Variants in DGKB observed in about 807,000 individuals in gnomAD.
DGKB encodes the protein 90 kDa diacylglycerol kinase.
A neutral mutation model predicts 114.3 loss-of-function variants in DGKB; 67 were observed. The observed-to-expected ratio is 0.59, with a 90% CI of 0.48 to 0.72. The LOEUF (loss-of-function observed/expected upper bound fraction) is 0.72, where lower values mean the gene tolerates loss of function less well. Among genes scored for constraint, DGKB ranks in the 30% least tolerant of loss-of-function variants. The pLI is 0.00. For synonymous variants in DGKB, 398 were observed against 323.1 expected (o/e 1.23, Z -2.49); for missense variants, 907 against 975.2 (o/e 0.93, Z 0.93).
intron 23 of DGKB, among the ~76,000 whole-genome samples, chr7:14,182,452 C>T (rs959003435): frequency 6.6e-6 from 1 of 151,804 alleles, no homozygotes; most frequent in Non-Finnish European, 1.5e-5. Flanking sequence ...CCTTTTTTAG[C>T]CTACGTATTT....
At chr7:14,338,833 C>T in intron 22 of DGKB, 123 bp from the exon 23 acceptor site, 1 of 574,130 alleles carries the variant, frequency 1.7e-6, no homozygotes, top group Non-Finnish European at 2.7e-6. Flanking sequence ...CATTTCCAAA[C>T]AAGCCTTTCA....
chr7:14,942,585 T>C (rs1372288730), intron 1 of DGKB, among the ~76,000 whole-genome samples: 1 of 152,014 alleles, frequency 6.6e-6, no homozygotes, highest in African/African-American at 2.4e-5. Context: ...GCTGTGATTT[T>C]GCACCTGGTA....
intron 23 of DGKB, among the ~76,000 whole-genome samples, chr7:14,293,315 C>G (rs117710035): frequency 6.6e-6 from 1 of 152,014 alleles, no homozygotes; most frequent in Non-Finnish European, 1.5e-5. Flanking sequence ...ATCCCAGTGC[C>G]CAGCTTCTAT....
At chr7:14,836,740 G>A (rs189771386) in intron 2 of DGKB, among the ~76,000 whole-genome samples, 225 of 152,306 alleles carry the variant, frequency 1.5e-3, no homozygotes, top group African/African-American at 5.2e-3. Flanking sequence ...ACCCTAAACC[G>A]GAGCACGGTC....
intron 23 of DGKB, among the ~76,000 whole-genome samples, chr7:14,305,413 G>T (rs532896381): frequency 6.6e-6 from 1 of 152,052 alleles, no homozygotes; most frequent in South Asian, 2.1e-4. Flanking sequence ...CTTCATTTTT[G>T]ATAATATTAA....
chr7:14,559,859 T>G (rs986435523), intron 20 of DGKB, among the ~76,000 whole-genome samples: 2 of 152,100 alleles, frequency 1.3e-5, no homozygotes, highest in African/African-American at 4.8e-5. Context: ...ATTATTTCTT[T>G]TTTCTTTTCT....
chr7:14,707,117 A>G (rs1266968605), intron 6 of DGKB, among the ~76,000 whole-genome samples: 1 of 136,924 alleles, frequency 7.3e-6, no homozygotes, highest in African/African-American at 2.8e-5. Flanking sequence ...AGACGCAATA[A>G]AAAATGATAA....
chr7:14,710,252 C>G (rs2128332276), intron 6 of DGKB, among the ~76,000 whole-genome samples: 1 of 151,834 alleles, frequency 6.6e-6, no homozygotes, highest in Admixed American at 6.6e-5. Context: ...GATTTATTTC[C>G]AGGTATTTAA....
chr7:14,489,864 C>T (rs758446698), intron 20 of DGKB, among the ~76,000 whole-genome samples: 4 of 151,948 alleles, frequency 2.6e-5, no homozygotes, highest in African/African-American at 4.8e-5. Flanking sequence ...ATCTCAAAGG[C>T]GCGGGAGGAT....
chr7:14,568,562 G>A (rs1407265445), intron 20 of DGKB, among the ~76,000 whole-genome samples: 2 of 152,170 alleles, frequency 1.3e-5, no homozygotes, highest in South Asian at 2.1e-4. Flanking sequence ...AAGATGGAAG[G>A]AGCCTGGGTC....
At chr7:14,402,883 T>C (rs1823356650) in intron 21 of DGKB, among the ~76,000 whole-genome samples, 1 of 151,948 alleles carries the variant, frequency 6.6e-6, no homozygotes, top group African/African-American at 2.4e-5. Flanking sequence ...GACTGTAACC[T>C]GAAAATTCTG....
intron 2 of DGKB, among the ~76,000 whole-genome samples, chr7:14,798,783 T>A (rs577209377): frequency 1.2e-3 from 178 of 152,330 alleles, no homozygotes; most frequent in Admixed American, 2.5e-3. Flanking sequence ...ACCCATCCTG[T>A]GGTTATTTCC....
intron 1 of DGKB, among the ~76,000 whole-genome samples, chr7:14,920,219 T>A (rs1483667237): frequency 6.6e-6 from 1 of 152,142 alleles, no homozygotes; most frequent in African/African-American, 2.4e-5. Context: ...TAAAAAGATA[T>A]GCTACAGCCT....
chr7:14,821,523 T>G lies in DGKB; in HGVS notation c.70+19671A>C, dbSNP rs554927995. 1.1e-4 allele frequency among the ~76,000 whole-genome samples: 16 copies of G among 152,154 alleles called. No homozygotes were observed. In the South Asian group the frequency reaches 3.3e-3, roughly 32 times the overall value. ...GAAAACTGAAAGGTGAAAAGGAAGC[T>G]TGGGAAAAATAAAAATAAAAATATA... On this transcript the variant is annotated intron_variant, in intron 2 of 25. Transcript: ENST00000402815.
intron 4 of DGKB, among the ~76,000 whole-genome samples, chr7:14,753,184 A>G (rs1834362480): frequency 6.6e-6 from 1 of 152,216 alleles, no homozygotes; most frequent in African/African-American, 2.4e-5. Flanking sequence ...AATAAGAAGA[A>G]GCTAGTACAT....
chr7:14,570,611 A>G (rs372063347), intron 20 of DGKB, among the ~76,000 whole-genome samples: 44 of 152,282 alleles, frequency 2.9e-4, no homozygotes, highest in African/African-American at 9.9e-4. Context: ...AGAAAAGAAA[A>G]TGTTAAGAAA....
rs532276356 is a variant in DGKB, at chr7:14,874,947, C to G, written c.-188+27645G>C. Among the ~76,000 whole-genome samples, 26 of 151,942 alleles carry G rather than the reference C, an allele frequency of 1.7e-4. No homozygotes were observed. In the South Asian group the frequency reaches 5.0e-3, roughly 29 times the overall value. ...ACTCTTTTTTATTTTGCTAGCGTAA[C>G]GGGGAAGTAAAAAAGAATTAAACAG... On this transcript the variant is annotated intron_variant, in intron 1 of 25. Coordinates refer to ENST00000402815, the MANE Select transcript of DGKB (RefSeq NM_001350709.2).
intron 21 of DGKB, among the ~76,000 whole-genome samples, chr7:14,397,516 G>A (rs773681109): frequency 3.3e-5 from 5 of 151,954 alleles, no homozygotes; most frequent in Admixed American, 6.6e-5. Context: ...TGAGAGTCTA[G>A]AACTGCTGTG....
rs1215433714 is a variant in DGKB, at chr7:14,148,955, T to G, written c.*176A>C. On this transcript the variant is annotated 3_prime_UTR_variant, in exon 26 of 26. Coordinates refer to ENST00000402815, the MANE Select transcript of DGKB (RefSeq NM_001350709.2). ...TTCATGCAAAGATGCCTATAAAAAC[T>G]GAGACAATAAATTTTCTAATAGCTG... The G allele has an allele frequency of 1.8e-5, 11 of 615,860 alleles. No homozygotes were observed. Among genetic ancestry groups the G allele is most frequent in the Non-Finnish European group, 2.6e-5 (9 of 352,642 alleles). 38.1% of individuals were successfully genotyped at this position (615,860 alleles called of 1,614,324 possible).
Sources: allele counts gnomAD v4.1 joint callset (sites outside exome capture counted in the v4.1 genomes callset), GRCh38; gene constraint gnomAD v4.1.1; transcripts MANE v1.5; gene names NCBI Gene and HGNC (gene_info 2026-07-23, HGNC 2026-07-21).